HUWE1: variants seen among roughly 807,000 people sequenced by gnomAD.
The protein encoded by HUWE1 is E3 ubiquitin-protein ligase HUWE1.
In HUWE1, 18 loss-of-function variants were observed where a neutral mutation model predicts 299.4. The ratio of observed to expected loss-of-function variants is 0.06; its 90% confidence interval spans 0.04 to 0.09. The LOEUF is 0.09. Ranked by LOEUF, HUWE1 falls within the 10% of genes least tolerant of loss-of-function variation. The pLI is 1.00. For synonymous variants in HUWE1, 1,317 were observed against 1,286.1 expected (o/e 1.02, Z -0.51); for missense variants, 1,832 against 3,462.3 (o/e 0.53, Z 11.82).
At position 53,680,077 on chromosome X, in the gene HUWE1, T is replaced by C. The variant is rs2070050758; in HGVS notation, c.-53A>G. ...AAATCACAGCCAATCATACTCATCC[T>C]GGTGGGAAATTCCCCACACTGCTCC... On this transcript the variant is annotated 5_prime_UTR_variant, in exon 3 of 84. Transcript: ENST00000262854. 1 of 295,544 alleles carries C rather than the reference T, an allele frequency of 3.4e-6. No homozygotes were observed. Among genetic ancestry groups the C allele is most frequent in the Admixed American group, 6.2e-5 (1 of 16,176 alleles). 24.4% of individuals were successfully genotyped at this position (295,544 alleles called of 1,213,427 possible). A position where few individuals can be genotyped will look rare whatever the true frequency, so the allele number is the denominator to read the frequency against.
intron 19 of HUWE1, among the ~76,000 whole-genome samples, chrX:53,619,869 T>C (rs1283203449): frequency 3.6e-5 from 4 of 112,040 alleles, no homozygotes; most frequent in South Asian, 7.5e-4. Context: ...CCAAATGCCA[T>C]TGCATCCCCA....
intron 2 of HUWE1, chrX:53,680,814 C>A (rs782197758): frequency 2.7e-5 from 3 of 112,182 alleles, no homozygotes; most frequent in Non-Finnish European, 5.6e-5. Context: ...GCTTAACCCA[C>A]GGTAAAATGC....
intron 49 of HUWE1, among the ~76,000 whole-genome samples, chrX:53,568,081 G>GA (rs1337287859): frequency 3.6e-5 from 4 of 111,400 alleles, no homozygotes; most frequent in East Asian, 2.8e-4. Flanking sequence ...TCGAAATAAT[G>GA]AAAAAAAATT....
chrX:53,589,830 AG>A lies in HUWE1; in HGVS notation c.4192-15del, dbSNP rs782548884. On this transcript the variant is annotated splice_polypyrimidine_tract_variant and intron_variant, in intron 35 of 83. Transcript: ENST00000262854. ...GCAAGCAACTTCCTGGAAGCAGGGA[AG>A]GAAGTGTGAATAATACACAGGAGAG... 918 of 1,195,816 alleles carry A rather than the reference AG, an allele frequency of 7.7e-4. No individual in the cohort carries two copies. The highest frequency in any genetic ancestry group is 9.7e-4 in the Non-Finnish European group (857 of 886,392).
At chrX:53,636,749 G>A (rs782019681) in intron 7 of HUWE1, among the ~76,000 whole-genome samples, 31 of 111,672 alleles carry the variant, frequency 2.8e-4, no homozygotes, top group Non-Finnish European at 7.5e-5. Context: ...TGCTAAATAT[G>A]GCCAAATAGT....
chrX:53,570,798 G>A (rs782290168), intron 47 of HUWE1, among the ~76,000 whole-genome samples: 1 of 112,101 alleles, frequency 8.9e-6, no homozygotes, highest in East Asian at 2.8e-4. Flanking sequence ...ACAACACTGC[G>A]AATGTACTAA....
At chrX:53,546,057 G>A (rs2061526883) in intron 70 of HUWE1, among the ~76,000 whole-genome samples, 1 of 111,942 alleles carries the variant, frequency 8.9e-6, no homozygotes, top group African/African-American at 3.2e-5. Flanking sequence ...AATTCCTGAG[G>A]CTGAATGCAG....
intron 40 of HUWE1, 96 bp from the exon 41 acceptor site, chrX:53,584,441 AG>A: frequency 6.9e-6 from 5 of 723,623 alleles, no homozygotes; most frequent in Non-Finnish European, 1.0e-5. Flanking sequence ...ATGCTACAAC[AG>A]GAAGGAACTC....
At chrX:53,632,282 T>C (rs782356775) in intron 9 of HUWE1, among the ~76,000 whole-genome samples, 45 of 112,027 alleles carry the variant, frequency 4.0e-4, no homozygotes, top group Non-Finnish European at 6.8e-4. Context: ...TTGCATCTTT[T>C]GGCAGCTCCC....
At chrX:53,617,209 G>T in intron 20 of HUWE1, 62 bp from the exon 21 acceptor site, 2 of 1,079,993 alleles carry the variant, frequency 1.9e-6, no homozygotes, top group East Asian at 3.1e-5. Context: ...AGGAAAATCC[G>T]GCCATGGGTA....
intron 8 of HUWE1, among the ~76,000 whole-genome samples, chrX:53,632,989 T>C (rs1184074520): frequency 8.9e-6 from 1 of 112,522 alleles, no homozygotes; most frequent in African/African-American, 3.2e-5. Flanking sequence ...CGAAAAACCT[T>C]GTACCTATCA....
intron 29 of HUWE1, among the ~76,000 whole-genome samples, chrX:53,596,503 A>G (rs2064481181): frequency 8.9e-6 from 1 of 112,280 alleles, no homozygotes; most frequent in African/African-American, 3.2e-5. Flanking sequence ...GTAAATAAGC[A>G]GTATTGAGTA....
At chrX:53,638,171 C>A (rs1357371694) in intron 7 of HUWE1, among the ~76,000 whole-genome samples, 1 of 110,755 alleles carries the variant, frequency 9.0e-6, no homozygotes, top group Non-Finnish European at 1.9e-5. Context: ...AACCCCATCT[C>A]CACTAAAAAT....
chrX:53,555,062 C>T, intron 60 of HUWE1, 142 bp from the exon 61 acceptor site: 1 of 431,895 alleles, frequency 2.3e-6, no homozygotes, highest in East Asian at 3.9e-5. Flanking sequence ...CAAGGAACAT[C>T]TCTGGTCTGG....
chrX:53,568,915 C>T lies in HUWE1; in HGVS notation c.6525-41G>A, dbSNP rs377564086. The T allele has an allele frequency of 4.4e-5, 49 of 1,105,320 alleles. No individual in the cohort carries two copies. In the African/African-American group the frequency reaches 8.6e-4, roughly 19 times the overall value. 91.1% of individuals were successfully genotyped at this position (1,105,320 alleles called of 1,213,427 possible). On this transcript the variant is annotated intron_variant, in intron 48 of 83. Transcript: ENST00000262854. ...TGACATCTCTATCATATGAATATAG[C>T]CATTTCTCAGGCCAAGTCTTCACAA...
intron 46 of HUWE1, 141 bp from the exon 47 acceptor site, chrX:53,574,105 G>A (rs2062975453): frequency 1.4e-5 from 7 of 515,738 alleles, no homozygotes; most frequent in Admixed American, 2.8e-5. Flanking sequence ...TGCAGTGCAA[G>A]AGCAGAGAAC....
At chrX:53,584,644 AC>A (rs1556971413) in intron 40 of HUWE1, among the ~76,000 whole-genome samples, 1 of 111,582 alleles carries the variant, frequency 9.0e-6, no homozygotes, top group Non-Finnish European at 1.9e-5. Flanking sequence ...ATTGCTACAG[AC>A]CCAAGGTCTA....
chrX:53,651,362 G>A (rs967458081), intron 4 of HUWE1, among the ~76,000 whole-genome samples: 2 of 110,929 alleles, frequency 1.8e-5, no homozygotes, highest in African/African-American at 6.6e-5. Flanking sequence ...ATCTACCCTC[G>A]TAACAAATTT....
chrX:53,558,554 C>T, intron 59 of HUWE1, 101 bp downstream of exon 59: 1 of 847,640 alleles, frequency 1.2e-6, no homozygotes, highest in Non-Finnish European at 1.8e-6. Context: ...TCAACGTGAA[C>T]GTTCTAGGAT....
Sources: allele counts gnomAD v4.1 joint callset (sites outside exome capture counted in the v4.1 genomes callset), GRCh38; gene constraint gnomAD v4.1.1; transcripts MANE v1.5; gene names NCBI Gene and HGNC (gene_info 2026-07-23, HGNC 2026-07-21).